CACNB3: variants seen among roughly 807,000 people sequenced by gnomAD.
CACNB3 encodes the protein calcium voltage-gated channel auxiliary subunit beta 3.
A neutral mutation model predicts 63.7 loss-of-function variants in CACNB3; 36 were observed. The ratio of observed to expected loss-of-function variants is 0.57; its 90% confidence interval spans 0.43 to 0.75. The LOEUF (loss-of-function observed/expected upper bound fraction) is 0.75, where lower values mean the gene tolerates loss of function less well. Ranked by LOEUF, CACNB3 falls within the 30% of genes least tolerant of loss-of-function variation. The pLI, the probability that CACNB3 is intolerant of heterozygous loss-of-function variation, is 0.00. For synonymous variants in CACNB3, 241 were observed against 250.6 expected, an observed-to-expected ratio of 0.96 and a Z score of 0.36; for missense variants, 493 against 648.6, an observed-to-expected ratio of 0.76 and a Z score of 2.61.
Position 48,823,353 on chromosome 12 carries a change from G to T in CACNB3, c.55G>T (p.Asp19Tyr), listed in dbSNP as rs199594278. The part of the protein sequence containing the change: ...GFEDSEAGSA[D>Y]SYTSRPSLDS... ...CTCTTTCCCAACCCAGGGTTCAGCC[G>T]ACTCCTACACCAGCCGCCCATCTCT... The change falls in exon 2 of 13, where the codon GAC becomes TAC. Residue 19 changes from aspartate to tyrosine, a missense_variant. Physicochemically the swap from Asp to Tyr is radical, Grantham distance 160. Coordinates refer to ENST00000301050, the MANE Select transcript of CACNB3 (RefSeq NM_000725.4). The surrounding 1 kb of genome is among the most constrained non-coding windows in gnomAD (Gnocchi z 4.2). The T allele has an allele frequency of 5.0e-6, 8 of 1,613,776 alleles. No individual in the cohort carries two copies. The highest frequency in any genetic ancestry group is 6.8e-6 in the Non-Finnish European group (8 of 1,179,844).
chr12:48,815,031 G>A (rs2137429503), upstream of CACNB3: 1 of 161,510 alleles, frequency 6.2e-6, no homozygotes, highest in Non-Finnish European at 1.3e-5. Flanking sequence ...CGATCCCTCT[G>A]GAGACACAGA....
chr12:48,827,184 T>C (rs1341126890), intron 12 of CACNB3, 61 bp downstream of exon 12: 18 of 1,581,352 alleles, frequency 1.1e-5, no homozygotes, highest in Non-Finnish European at 1.5e-5. Context: ...TGCCCCTCCC[T>C]GCCCAGAGGA....
rs1938243458 is a variant in CACNB3, at chr12:48,827,954, A to C, written c.*55A>C. 1 of 1,473,290 alleles carries C rather than the reference A, an allele frequency of 6.8e-7. No individual in the cohort carries two copies. Among genetic ancestry groups the C allele is most frequent in the South Asian group, 1.2e-5 (1 of 82,840 alleles). The allele number at this position is 1,473,290 out of a possible 1,614,324, so 91.3% of individuals were successfully genotyped here. A position where few individuals can be genotyped will look rare whatever the true frequency, so the allele number is the denominator to read the frequency against. The stretch of plus-strand genomic sequence containing the variant: ...ACAGGCGCAGCTGGCTGGGGGGCCC[A>C]CTCCAGGCAGGGTGGCGTTAGACTG... On this transcript the variant is annotated 3_prime_UTR_variant, in exon 13 of 13. Coordinates refer to ENST00000301050, the MANE Select transcript of CACNB3 (RefSeq NM_000725.4).
At position 48,828,604 on chromosome 12, in the gene CACNB3, T is replaced by A. The variant is rs1938275495; in HGVS notation, c.*705T>A. The A allele has an allele frequency of 2.2e-6, 1 of 451,402 alleles. No homozygotes were observed. Among genetic ancestry groups the A allele is most frequent in the Admixed American group, 2.4e-5 (1 of 42,352 alleles). The allele number at this position is 451,402 out of a possible 1,614,324, so 28.0% of individuals were successfully genotyped here. On this transcript the variant is annotated 3_prime_UTR_variant, in exon 13 of 13. Transcript: ENST00000301050. ...GGACCAGGAGCATGGTGAAGCCAAG[T>A]GGCAGATGGGAGCCAACCTGGATGG...
At chr12:48,814,782 G>A (rs1314981818), upstream of CACNB3, 6 of 428,492 alleles carry the variant, frequency 1.4e-5, no homozygotes, top group African/African-American at 1.2e-4. This position sits in a 1 kb window ranked among gnomAD's most constrained non-coding sequence, Gnocchi z 6.9. Flanking sequence ...GGCAGGGCCG[G>A]ACCCTGCGGC....
chr12:48,825,593 G>T lies in CACNB3; in HGVS notation c.633-67G>T. The T allele has an allele frequency of 1.3e-6, 2 of 1,572,730 alleles. No individual in the cohort carries two copies. The highest frequency in any genetic ancestry group is 2.2e-5 in the East Asian group (1 of 44,678). ...TCTTCTCTAAGGGAAGAGTTAGTGGGAGCTGAGTAAGGAGAGGCTGAGGCA... is the reference window on the plus strand; with the variant it reads ...TCTTCTCTAAGGGAAGAGTTAGTGGTAGCTGAGTAAGGAGAGGCTGAGGCA... On this transcript the variant is annotated intron_variant, in intron 8 of 12. Coordinates refer to ENST00000301050, the MANE Select transcript of CACNB3 (RefSeq NM_000725.4). The surrounding 1 kb of genome is among the most constrained non-coding windows in gnomAD (Gnocchi z 4.5).
chr12:48,815,292 T>C (rs757732444), upstream of CACNB3: 41 of 280,172 alleles, frequency 1.5e-4, no homozygotes, highest in Admixed American at 4.6e-4. Context: ...GTCCCTACTC[T>C]TTCTCGGGAG....
rs1938153909 is a variant in CACNB3, at chr12:48,826,706, C to T, written c.895-53C>T. 6.6e-7 allele frequency: 1 copy of T among 1,519,766 alleles called. No homozygotes were observed. The highest frequency in any genetic ancestry group is 9.1e-7 in the Non-Finnish European group (1 of 1,094,742). 94.1% of individuals were successfully genotyped at this position (1,519,766 alleles called of 1,614,324 possible). ...AATGCCTAGCTCTGCCCGGGCTCAG[C>T]TCTGCCCAGAGTCCTGAGAGACTCC... On this transcript the variant is annotated intron_variant, in intron 10 of 12. Coordinates refer to ENST00000301050, the MANE Select transcript of CACNB3 (RefSeq NM_000725.4). This position sits in a 1 kb window ranked among gnomAD's most constrained non-coding sequence, Gnocchi z 4.8.
rs1179659158 is a variant in CACNB3, at chr12:48,828,927, ACAT to A, written c.*1032_*1034del. The A allele has an allele frequency of 2.8e-6, 1 of 356,632 alleles. No homozygotes were observed. The allele number at this position is 356,632 out of a possible 1,614,324, so 22.1% of individuals were successfully genotyped here. On this transcript the variant is annotated 3_prime_UTR_variant, in exon 13 of 13. Coordinates refer to ENST00000301050, the MANE Select transcript of CACNB3 (RefSeq NM_000725.4). Reference sequence around the variant, plus strand: ...CTCACCTCACTGTCATCACTAATAAACATCATGCACAGTCCCTCCGGCTTCTGT... The same window carrying A: ...CTCACCTCACTGTCATCACTAATAAACATGCACAGTCCCTCCGGCTTCTGT...
intron 4 of CACNB3, 31 bp downstream of exon 4, chr12:48,824,404 A>C (rs1434830388): frequency 1.9e-5 from 30 of 1,545,150 alleles, no homozygotes; most frequent in Non-Finnish European, 2.5e-5. Flanking sequence ...CAGTAAACAC[A>C]CCCCAAACAC....
Position 48,826,666 on chromosome 12 carries a change from G to A in CACNB3, c.895-93G>A. On this transcript the variant is annotated intron_variant, in intron 10 of 12. Coordinates refer to ENST00000301050, the MANE Select transcript of CACNB3 (RefSeq NM_000725.4). The surrounding 1 kb of genome is among the most constrained non-coding windows in gnomAD (Gnocchi z 4.8). ...TGAGTCATCCTCACCTGCTACTGATGCCACAAGTGGAAGAAATGCCTAGCT... is the reference window on the plus strand; with the variant it reads ...TGAGTCATCCTCACCTGCTACTGATACCACAAGTGGAAGAAATGCCTAGCT... 1 of 1,416,580 alleles carries A rather than the reference G, an allele frequency of 7.1e-7. No homozygotes were observed. The highest frequency in any genetic ancestry group is 1.0e-6 in the Non-Finnish European group (1 of 1,004,732). The allele number at this position is 1,416,580 out of a possible 1,614,324, so 87.8% of individuals were successfully genotyped here. A position where few individuals can be genotyped will look rare whatever the true frequency, so the allele number is the denominator to read the frequency against.
chr12:48,818,882 GCCGCTC>G lies in CACNB3; in HGVS notation c.-43_-38del. 1 of 1,539,348 alleles carries G rather than the reference GCCGCTC, an allele frequency of 6.5e-7. No homozygotes were observed. Among genetic ancestry groups the G allele is most frequent in the Middle Eastern group, 1.8e-4 (1 of 5,686 alleles). On this transcript the variant is annotated 5_prime_UTR_variant, in exon 1 of 13. Transcript: ENST00000301050. The surrounding 1 kb of genome is among the most constrained non-coding windows in gnomAD (Gnocchi z 4.3). ...CCGCAGTCCTTGCCCCTGCCTCCGG[GCCGCTC>G]CCGCCCCCGGCGCCGCTCGCTCCCC...
At position 48,818,905 on chromosome 12, in the gene CACNB3, T is replaced by C; in HGVS notation, c.-25T>C. 6.4e-7 allele frequency: 1 copy of C among 1,555,822 alleles called. No individual in the cohort carries two copies. The highest frequency in any genetic ancestry group is 1.2e-5 in the South Asian group (1 of 83,982). On this transcript the variant is annotated 5_prime_UTR_variant, in exon 1 of 13. Coordinates refer to ENST00000301050, the MANE Select transcript of CACNB3 (RefSeq NM_000725.4). The surrounding 1 kb of genome is among the most constrained non-coding windows in gnomAD (Gnocchi z 4.3). ...GGGCCGCTCCCGCCCCCGGCGCCGC[T>C]CGCTCCCCCGACCCGGACTCCCCCA...
At position 48,828,189 on chromosome 12, in the gene CACNB3, G is replaced by A; in HGVS notation, c.*290G>A. ...CCCACACAGGAAGCTGCCCCACTGG[G>A]CAGTGCCCTCAGGCCAGGATCCCCT... is the stretch of plus-strand genomic sequence containing the variant. On this transcript the variant is annotated 3_prime_UTR_variant, in exon 13 of 13. Transcript: ENST00000301050. 2.0e-6 allele frequency: 1 copy of A among 489,312 alleles called. No individual in the cohort carries two copies. Among genetic ancestry groups the A allele is most frequent in the Non-Finnish European group, 3.7e-6 (1 of 267,136 alleles). The allele number at this position is 489,312 out of a possible 1,614,324, so 30.3% of individuals were successfully genotyped here. A position where few individuals can be genotyped will look rare whatever the true frequency, so the allele number is the denominator to read the frequency against.
rs750141989 is a variant in CACNB3, at chr12:48,827,130, A to G, written c.1140+7A>G. 2 of 1,611,850 alleles carry G rather than the reference A, an allele frequency of 1.2e-6. No homozygotes were observed. Among genetic ancestry groups the G allele is most frequent in the Non-Finnish European group, 8.5e-7 (1 of 1,179,922 alleles). On this transcript the variant is annotated splice_region_variant and intron_variant, in intron 12 of 12. Coordinates refer to ENST00000301050, the MANE Select transcript of CACNB3 (RefSeq NM_000725.4). ...TGCCATCCCCGGACTTCAGGTAACC[A>G]TTTCCAGTGGGCAGAGATGCTCAAG... is the stretch of plus-strand genomic sequence containing the variant.
intron 1 of CACNB3, chr12:48,819,856 A>T: frequency 3.0e-6 from 1 of 332,522 alleles, no homozygotes; most frequent in Non-Finnish European, 6.1e-6. Flanking sequence ...GAGCTCAGAC[A>T]GCAGGGAGAG....
At chr12:48,824,625 G>C (rs982683372) in intron 4 of CACNB3, 44 bp from the exon 5 acceptor site, 23 of 1,543,836 alleles carry the variant, frequency 1.5e-5, no homozygotes, top group Non-Finnish European at 2.0e-5. Flanking sequence ...CATACACAGA[G>C]ACACATTCTT....
chr12:48,818,434 T>C (rs145744669), upstream of CACNB3: 1,758 of 987,212 alleles, frequency 1.8e-3, 2 homozygotes, highest in Non-Finnish European at 2.0e-3. The surrounding 1 kb of genome is among the most constrained non-coding windows in gnomAD (Gnocchi z 4.3). Context: ...CGTCTCTGTC[T>C]CCGCATCTCT....
chr12:48,827,811 A>G lies in CACNB3; in HGVS notation c.1367A>G (p.Gln456Arg). Reference sequence around the variant, plus strand: ...CCTAGTGCTAACGGGCATGACCCCCAAGACCGGCTTCTAGCCCAGGACTCA... The same window carrying G: ...CCTAGTGCTAACGGGCATGACCCCCGAGACCGGCTTCTAGCCCAGGACTCA... Reference protein sequence around the residue: ...GLPSANGHDPQDRLLAQDSEH... With the variant: ...GLPSANGHDPRDRLLAQDSEH... The change falls in exon 13 of 13, where the codon CAA becomes CGA. Residue 456 changes from glutamine (Q) to arginine (R), a missense_variant. By Grantham distance (43) the Gln-to-Arg change is conservative. Coordinates refer to ENST00000301050, the MANE Select transcript of CACNB3 (RefSeq NM_000725.4). The G allele has an allele frequency of 6.2e-7, 1 of 1,614,116 alleles. No individual in the cohort carries two copies. Among genetic ancestry groups the G allele is most frequent in the East Asian group, 2.2e-5 (1 of 44,874 alleles).
Sources: gnomAD v4.1 joint callset for allele counts on GRCh38, gnomAD v4.1.1 for gene constraint, Gnocchi (gnomAD v3.1) non-coding constraint, MANE v1.5 for transcripts, NCBI Gene and HGNC (gene_info 2026-07-23, HGNC 2026-07-21) for gene names.